CPZ: variants seen among roughly 807,000 people sequenced by gnomAD.
CPZ encodes the protein VEZT/CPZ fusion.
In CPZ, 103 loss-of-function variants were observed where a neutral mutation model predicts 61.8. That is an observed-to-expected ratio of 1.67 (90% CI 1.42 to 1.96). CPZ has a LOEUF of 1.96. Among genes scored for constraint, CPZ ranks in the 30% most tolerant of loss-of-function variants. CPZ has a pLI of 0.00. For synonymous variants in CPZ, 551 were observed against 373.7 expected (o/e 1.47, Z -5.47); for missense variants, 1,461 against 914.9 (o/e 1.60, Z -7.70).
intron 1 of CPZ, among the ~76,000 whole-genome samples, chr4:8,597,249 G>T (rs1714242741): frequency 6.6e-6 from 1 of 152,236 alleles, no homozygotes; most frequent in Admixed American, 6.5e-5. Flanking sequence ...ACAGGGCCCT[G>T]TGTGGATGCC....
intron 9 of CPZ, among the ~76,000 whole-genome samples, chr4:8,617,819 A>G (rs936414480): frequency 2.6e-5 from 4 of 152,170 alleles, no homozygotes; most frequent in African/African-American, 4.8e-5. Flanking sequence ...ACTGTTTTAC[A>G]AGAAATGTGG....
chr4:8,616,713 G>A (rs1042788460), intron 9 of CPZ, among the ~76,000 whole-genome samples: 1 of 152,216 alleles, frequency 6.6e-6, no homozygotes, highest in Non-Finnish European at 1.5e-5. Flanking sequence ...GGGGCATGGT[G>A]GCTTCTCGAG....
In CPZ at chr4:8,606,908, G is replaced by A. The variant is rs1166762670; in HGVS notation, c.1068+10G>A. On this transcript the variant is annotated intron_variant, in intron 6 of 10. Transcript: ENST00000360986. The stretch of plus-strand genomic sequence containing the variant: ...CTACTGGTGGGGTAAGGTAGGAGCC[G>A]CCGCTGCCCATGCTGGTCTCCACCA... 4 of 1,590,738 alleles carry A rather than the reference G, an allele frequency of 2.5e-6. No individual in the cohort carries two copies. The highest frequency in any genetic ancestry group is 3.4e-6 in the Non-Finnish European group (4 of 1,168,650).
Position 8,603,963 on chromosome 4 carries a change from AC to A in CPZ, c.497-12del, listed in dbSNP as rs1276339072. ...GGCCTGACACTGACTGAGCCCCCCC[AC>A]TGCTCCCCCAGGAGGCCTGGAGGCT... On this transcript the variant is annotated splice_polypyrimidine_tract_variant and intron_variant, in intron 3 of 10. Transcript: ENST00000360986. The A allele has an allele frequency of 6.2e-7, 1 of 1,610,902 alleles. No homozygotes were observed. Among genetic ancestry groups the A allele is most frequent in the Non-Finnish European group, 8.5e-7 (1 of 1,179,034 alleles).
At position 8,601,403 on chromosome 4, in the gene CPZ, C is replaced by T. The variant is rs143569240; in HGVS notation, c.402C>T (p.Asp134=). The T allele has an allele frequency of 4.2e-5, 66 of 1,589,944 alleles. No homozygotes were observed. The highest frequency in any genetic ancestry group is 9.2e-5 in the East Asian group (4 of 43,714). ...GGGAGGTCTGCCAGCCCGCCTTCGA[C>T]GCCATTGACATGGCCTGGCCCTACT... The part of the protein sequence containing the change: ...GLREVCQPAF[D]AIDMAWPYFL... Residue 134 remains aspartate (D), a synonymous_variant, in exon 3 of 11, where the codon GAC becomes GAT. Coordinates refer to ENST00000360986, the MANE Select transcript of CPZ (RefSeq NM_001014447.3).
chr4:8,594,620 C>T (rs970271494), intron 1 of CPZ, among the ~76,000 whole-genome samples: 3 of 152,156 alleles, frequency 2.0e-5, no homozygotes, highest in African/African-American at 2.4e-5. Context: ...GCTGCCACCT[C>T]GTGGTTAAGA....
At chr4:8,611,152 C>G (rs1188976413) in intron 7 of CPZ, 2 of 439,832 alleles carry the variant, frequency 4.5e-6, no homozygotes, top group Non-Finnish European at 9.4e-6. Flanking sequence ...TCCACTCCTC[C>G]TTTCTGACAG....
chr4:8,614,927 T>C (rs557641279), intron 9 of CPZ, among the ~76,000 whole-genome samples: 1 of 151,668 alleles, frequency 6.6e-6, no homozygotes, highest in East Asian at 2.1e-4. Context: ...GAGGGGAGCA[T>C]GCTAGAACCC....
At chr4:8,596,861 C>T (rs550148156) in intron 1 of CPZ, among the ~76,000 whole-genome samples, 3 of 152,314 alleles carry the variant, frequency 2.0e-5, no homozygotes, top group East Asian at 3.9e-4. Flanking sequence ...GGACACCTCA[C>T]CTTGTAGCTC....
At chr4:8,604,686 T>A (rs1714806188) in intron 4 of CPZ, among the ~76,000 whole-genome samples, 1 of 152,202 alleles carries the variant, frequency 6.6e-6, no homozygotes, top group Non-Finnish European at 1.5e-5. Flanking sequence ...TTTCACCATG[T>A]TGGCCAGGCT....
intron 1 of CPZ, among the ~76,000 whole-genome samples, chr4:8,596,746 C>A (rs995024945): frequency 1.3e-5 from 2 of 152,204 alleles, no homozygotes; most frequent in African/African-American, 4.8e-5. Context: ...ACAAGGGAGA[C>A]TGGAAGCCAC....
Position 8,606,074 on chromosome 4 carries a change from G to C in CPZ, c.795G>C (p.Leu265=). The C allele has an allele frequency of 6.2e-7, 1 of 1,614,200 alleles. No individual in the cohort carries two copies. Among genetic ancestry groups the C allele is most frequent in the Non-Finnish European group, 8.5e-7 (1 of 1,180,032 alleles). ...REMLIYLAQY[L]CSEYLLGNPR... The stretch of plus-strand genomic sequence containing the variant: ...TGCTCATCTACCTAGCCCAGTACCT[G>C]TGCTCTGAGTACCTGCTTGGTAACC... The change falls in exon 5 of 11, where the codon CTG becomes CTC. Residue 265 remains leucine, a synonymous_variant. Transcript: ENST00000360986.
At position 8,601,566 on chromosome 4, in the gene CPZ, C is replaced by A. The variant is rs969675344; in HGVS notation, c.496+69C>A. 7.2e-6 allele frequency: 10 copies of A among 1,388,548 alleles called. No homozygotes were observed. In the African/African-American group the frequency reaches 1.3e-4, roughly 18 times the overall value. The allele number at this position is 1,388,548 out of a possible 1,614,324, so 86.0% of individuals were successfully genotyped here. The stretch of plus-strand genomic sequence containing the variant: ...TGGTCAAGGAGGACCAAGAGCCACA[C>A]TGGAAGGAACTTGAGGGCTTTTCCA... On this transcript the variant is annotated intron_variant, in intron 3 of 10. Transcript: ENST00000360986.
At chr4:8,618,672 A>G (rs1306059040) in intron 10 of CPZ, 144 bp downstream of exon 10, 12 of 692,228 alleles carry the variant, frequency 1.7e-5, no homozygotes, top group Non-Finnish European at 2.4e-5. Context: ...TGGGTCGGGG[A>G]GGGTGGGCAG....
chr4:8,612,867 C>CG (rs1715830472), intron 8 of CPZ, among the ~76,000 whole-genome samples: 1 of 152,234 alleles, frequency 6.6e-6, no homozygotes, highest in Non-Finnish European at 1.5e-5. Flanking sequence ...CCAGGACCCA[C>CG]GTGGCATCCC....
intron 7 of CPZ, 53 bp downstream of exon 7, chr4:8,607,478 C>T: frequency 1.3e-6 from 2 of 1,583,098 alleles, no homozygotes; most frequent in Non-Finnish European, 1.7e-6. Flanking sequence ...GCGCGGTCCC[C>T]TTGGAGCTGG....
intron 7 of CPZ, chr4:8,611,169 C>T: frequency 2.3e-6 from 1 of 442,550 alleles, no homozygotes; most frequent in Non-Finnish European, 4.6e-6. Flanking sequence ...ACAGAGGGAG[C>T]CCCCTCCTCA....
chr4:8,596,243 G>A (rs1021297159), intron 1 of CPZ, among the ~76,000 whole-genome samples: 1 of 152,164 alleles, frequency 6.6e-6, no homozygotes, highest in Non-Finnish European at 1.5e-5. Flanking sequence ...GTAGAGACGG[G>A]GTTTCACCAT....
In CPZ at chr4:8,601,184, C is replaced by G. The variant is rs1428422896; in HGVS notation, c.183C>G (p.Phe61Leu). ...ATGCCGCCTACAACCACACCACCTT[C>G]CCCAACCTGCTTCAGCACCGGTCGT... ...CSDAAYNHTT[F>L]PNLLQHRSWE... is the part of the protein sequence containing the mutation. The change falls in exon 3 of 11, where the codon TTC (phenylalanine) becomes TTG (leucine). Residue 61 changes from phenylalanine to leucine, a missense_variant. Transcript: ENST00000360986. The G allele has an allele frequency of 1.2e-6, 2 of 1,611,040 alleles. No individual in the cohort carries two copies. The highest frequency in any genetic ancestry group is 1.7e-6 in the Non-Finnish European group (2 of 1,178,354).
Sources: gnomAD v4.1 joint callset for allele counts (sites outside exome capture counted in the v4.1 genomes callset) on GRCh38, gnomAD v4.1.1 for gene constraint, MANE v1.5 for transcripts, NCBI Gene and HGNC (gene_info 2026-07-23, HGNC 2026-07-21) for gene names.